The following GRM8 variants were observed in gnomAD, a reference collection of about 807,000 sequenced individuals.
The protein encoded by GRM8 is glutamate metabotropic receptor 8.
In GRM8, 47 loss-of-function variants were observed where a neutral mutation model predicts 87.2. That is an observed-to-expected ratio of 0.54 (90% CI 0.43 to 0.69). The LOEUF (loss-of-function observed/expected upper bound fraction) is 0.69, where lower values mean the gene tolerates loss of function less well. Ranked by LOEUF, GRM8 falls within the 30% of genes least tolerant of loss-of-function variation. The pLI, the probability that GRM8 is intolerant of heterozygous loss-of-function variation, is 0.00. For synonymous variants in GRM8, 396 were observed against 404.5 expected (o/e 0.98, Z 0.25); for missense variants, 1,019 against 1,139.2 (o/e 0.89, Z 1.52).
chr7:127,033,434 A>G (rs1817572699), intron 3 of GRM8, among the ~76,000 whole-genome samples: 1 of 152,130 alleles, frequency 6.6e-6, no homozygotes, highest in Non-Finnish European at 1.5e-5. Context: ...AATTGTAAGT[A>G]GTAGAAATAT....
At chr7:126,558,540 G>A (rs1228490331) in intron 8 of GRM8, among the ~76,000 whole-genome samples, 3 of 152,230 alleles carry the variant, frequency 2.0e-5, no homozygotes, top group Non-Finnish European at 2.9e-5. Context: ...ATAAGATGGT[G>A]TAATATTTGC....
chr7:126,587,577 A>G (rs1427989569), intron 8 of GRM8, among the ~76,000 whole-genome samples: 2 of 152,004 alleles, frequency 1.3e-5, no homozygotes, highest in Non-Finnish European at 2.9e-5. Context: ...TATCGCAGGG[A>G]CAAAAAAACC....
chr7:126,708,499 G>A (rs1810772750), intron 7 of GRM8, among the ~76,000 whole-genome samples: 1 of 151,030 alleles, frequency 6.6e-6, no homozygotes, highest in South Asian at 2.1e-4. Flanking sequence ...TGGATGAAAT[G>A]GATGAAGAAA....
intron 6 of GRM8, among the ~76,000 whole-genome samples, chr7:126,828,747 T>C (rs987988174): frequency 1.3e-5 from 2 of 152,220 alleles, no homozygotes; most frequent in Non-Finnish European, 2.9e-5. Context: ...CTGCTAGCTT[T>C]TGAATGTGTT....
At chr7:126,872,723 A>G (rs564838064) in intron 6 of GRM8, among the ~76,000 whole-genome samples, 1 of 152,216 alleles carries the variant, frequency 6.6e-6, no homozygotes, top group African/African-American at 2.4e-5. Flanking sequence ...TCAAAACCAG[A>G]TACTCTCAGC....
In GRM8 at chr7:126,438,999, C is replaced by T; in HGVS notation, c.*120G>A. On this transcript the variant is annotated 3_prime_UTR_variant, in exon 11 of 11. Coordinates refer to ENST00000339582, the MANE Select transcript of GRM8 (RefSeq NM_000845.3). ...TGGCTAATTTTTGTTCCTTACAAGACTGACTATTGATTTGATTGATTGTAG... is the reference window on the plus strand; with the variant it reads ...TGGCTAATTTTTGTTCCTTACAAGATTGACTATTGATTTGATTGATTGTAG... 1.4e-6 allele frequency: 1 copy of T among 736,684 alleles called. No individual in the cohort carries two copies. The highest frequency in any genetic ancestry group is 2.5e-6 in the Non-Finnish European group (1 of 404,788). 45.6% of individuals were successfully genotyped at this position (736,684 alleles called of 1,614,324 possible).
At chr7:126,610,058 TG>T (rs1798764808) in intron 7 of GRM8, among the ~76,000 whole-genome samples, 3 of 152,210 alleles carry the variant, frequency 2.0e-5, no homozygotes, top group Admixed American at 2.0e-4. Flanking sequence ...CATTGATCTA[TG>T]GGAAGTCCCA....
intron 9 of GRM8, among the ~76,000 whole-genome samples, chr7:126,468,107 C>A (rs962379258): frequency 1.3e-5 from 2 of 151,914 alleles, no homozygotes; most frequent in East Asian, 3.9e-4. Context: ...AACCATGAAG[C>A]CCATAAAGCA....
intron 6 of GRM8, among the ~76,000 whole-genome samples, chr7:126,841,983 T>C (rs982347362): frequency 7.9e-5 from 12 of 151,954 alleles, no homozygotes; most frequent in Non-Finnish European, 1.3e-4. Context: ...TATGACAGTG[T>C]GGAATAAAAC....
chr7:126,563,777 T>C (rs1252207675), intron 8 of GRM8, among the ~76,000 whole-genome samples: 2 of 152,220 alleles, frequency 1.3e-5, no homozygotes, highest in African/African-American at 4.8e-5. Flanking sequence ...CAACAAAACC[T>C]ACAGGTATAC....
chr7:127,107,753 T>C (rs555928062), intron 2 of GRM8, among the ~76,000 whole-genome samples: 31 of 152,284 alleles, frequency 2.0e-4, no homozygotes, highest in African/African-American at 7.2e-4. Context: ...TCCCAATCTA[T>C]ATAAACATTT....
At chr7:127,085,750 A>T (rs1253061264) in intron 3 of GRM8, among the ~76,000 whole-genome samples, 1 of 152,158 alleles carries the variant, frequency 6.6e-6, no homozygotes, top group Non-Finnish European at 1.5e-5. Flanking sequence ...TCCTATTCGC[A>T]GGTTGCCTGT....
intron 8 of GRM8, among the ~76,000 whole-genome samples, chr7:126,573,912 T>C (rs1185487310): frequency 6.6e-6 from 1 of 152,162 alleles, no homozygotes; most frequent in African/African-American, 2.4e-5. Flanking sequence ...TCTTATCACA[T>C]TCTCAGAAAA....
chr7:126,561,205 G>A (rs1278725351), intron 8 of GRM8, among the ~76,000 whole-genome samples: 2 of 152,174 alleles, frequency 1.3e-5, no homozygotes, highest in African/African-American at 4.8e-5. Flanking sequence ...AGGCGCAGTG[G>A]CTCACACCTG....
At chr7:126,605,981 C>T (rs1378442136) in intron 8 of GRM8, among the ~76,000 whole-genome samples, 1 of 152,208 alleles carries the variant, frequency 6.6e-6, no homozygotes, top group Non-Finnish European at 1.5e-5. Context: ...ACTATAGTCT[C>T]AACACCTTTT....
At chr7:126,919,756 CTCCCTTCCCTT>C (rs932318687) in intron 3 of GRM8, among the ~76,000 whole-genome samples, 2 of 152,132 alleles carry the variant, frequency 1.3e-5, no homozygotes, top group African/African-American at 4.8e-5. Flanking sequence ...TTCCCTTTCT[CTCCCTTCCCTT>C]TCCCTTGTCT....
chr7:126,787,687 C>T lies in GRM8; in HGVS notation c.1157-17622G>A, dbSNP rs547583440. 2.0e-5 allele frequency among the ~76,000 whole-genome samples: 3 copies of T among 152,158 alleles called. No homozygotes were observed. The South Asian group carries it at 6.2e-4, about 32-fold the overall frequency. ...GCATCCCATTTTATTTATTTATTTG[C>T]TGTTATGTTTCTGTTCTTTCTTACT... On this transcript the variant is annotated intron_variant, in intron 6 of 10. Transcript: ENST00000339582.
chr7:127,171,276 C>T (rs1176907273), intron 2 of GRM8, among the ~76,000 whole-genome samples: 1 of 152,126 alleles, frequency 6.6e-6, no homozygotes, highest in Admixed American at 6.6e-5. Flanking sequence ...AGAATCTATT[C>T]CTGGTGAAAA....
In GRM8 at chr7:126,612,100, A is replaced by G. The variant is rs1258558325; in HGVS notation, c.1358-2602T>C. Among the ~76,000 whole-genome samples the G allele has an allele frequency of 3.9e-5, 6 of 152,338 alleles. No individual in the cohort carries two copies. The East Asian group carries it at 1.2e-3, about 29-fold the overall frequency. ...TTTCTCAGTTATATAGTGGGCTAAT[A>G]GCAATTCCCACCTCAGAGGGATATA... is the stretch of plus-strand genomic sequence containing the variant. On this transcript the variant is annotated intron_variant, in intron 7 of 10. Transcript: ENST00000339582.
Sources: allele counts gnomAD v4.1 joint callset (sites outside exome capture counted in the v4.1 genomes callset), GRCh38; gene constraint gnomAD v4.1.1; transcripts MANE v1.5; gene names NCBI Gene and HGNC (gene_info 2026-07-23, HGNC 2026-07-21).